The following GNG12 variants were observed in gnomAD, a reference collection of about 807,000 sequenced individuals.
GNG12 encodes guanine nucleotide-binding protein G(I)/G(S)/G(O) subunit gamma-12.
For missense variants in GNG12, 69 were observed against 83.8 expected, an observed-to-expected ratio of 0.82 and a Z score of 0.69; for synonymous variants, 28 against 29.7, an observed-to-expected ratio of 0.94 and a Z score of 0.19.
At chr1:67,744,272 C>T (rs987689398) in intron 2 of GNG12, among the ~76,000 whole-genome samples, 1 of 152,126 alleles carries the variant, frequency 6.6e-6, no homozygotes, top group Non-Finnish European at 1.5e-5. Flanking sequence ...TAGATCAACT[C>T]CAAACTTTTG....
intron 2 of GNG12, among the ~76,000 whole-genome samples, chr1:67,756,625 T>C (rs1646570139): frequency 6.6e-6 from 1 of 152,180 alleles, no homozygotes; most frequent in Non-Finnish European, 1.5e-5. Context: ...AGTGCACGTG[T>C]GTGTGCATAT....
At chr1:67,767,235 G>A (rs1324747271) in intron 2 of GNG12, among the ~76,000 whole-genome samples, 1 of 152,168 alleles carries the variant, frequency 6.6e-6, no homozygotes, top group East Asian at 1.9e-4. Context: ...AAAACCCCAT[G>A]TCACGTGTGC....
At position 67,712,313 on chromosome 1, in the gene GNG12, T is replaced by C. The variant is rs554157307; in HGVS notation, c.-26-4601A>G. Among the ~76,000 whole-genome samples the C allele has an allele frequency of 9.2e-5, 14 of 152,350 alleles. 1 individual carries two copies. In the South Asian group the frequency reaches 2.7e-3, roughly 29 times the overall value. On this transcript the variant is annotated intron_variant, in intron 2 of 3. Transcript: ENST00000370982. ...CCTGTGAGCACACATGTTGCTTGCA[T>C]ATGCATTATTCCATGAAGCCTCACT...
intron 2 of GNG12, among the ~76,000 whole-genome samples, chr1:67,722,969 A>G (rs1192304716): frequency 2.0e-5 from 3 of 152,228 alleles, no homozygotes; most frequent in Non-Finnish European, 4.4e-5. Context: ...CAGGATAACA[A>G]GAGTGCCTAT....
chr1:67,767,127 A>T (rs11209147), intron 2 of GNG12, among the ~76,000 whole-genome samples: 11,566 of 152,162 alleles, frequency 0.076, 461 homozygotes, highest in Admixed American at 0.1. Flanking sequence ...TTGGAATGGG[A>T]TGTTGCCAGT....
intron 2 of GNG12, among the ~76,000 whole-genome samples, chr1:67,762,667 G>A (rs1320056559): frequency 2.0e-5 from 3 of 152,110 alleles, no homozygotes; most frequent in South Asian, 2.1e-4. Flanking sequence ...GAGCATTAGC[G>A]TTTATCTCTT....
intron 2 of GNG12, among the ~76,000 whole-genome samples, chr1:67,752,555 A>G (rs1646544921): frequency 6.6e-6 from 1 of 152,158 alleles, no homozygotes; most frequent in Admixed American, 6.5e-5. Context: ...AGACATCCCT[A>G]ATGGATCAGC....
chr1:67,781,940 T>C (rs979971762), intron 1 of GNG12, among the ~76,000 whole-genome samples: 4 of 152,150 alleles, frequency 2.6e-5, no homozygotes, highest in African/African-American at 9.7e-5. Flanking sequence ...TACTGTCCAA[T>C]AATAGGTACA....
chr1:67,790,465 G>T (rs1646795211), intron 1 of GNG12, among the ~76,000 whole-genome samples: 2 of 152,294 alleles, frequency 1.3e-5, no homozygotes, highest in Admixed American at 1.3e-4. Flanking sequence ...AGGCAGCTCA[G>T]GGCATTCAAT....
chr1:67,807,639 T>C (rs1387585835), intron 1 of GNG12, among the ~76,000 whole-genome samples: 2 of 151,922 alleles, frequency 1.3e-5, no homozygotes, highest in Non-Finnish European at 2.9e-5. Context: ...GGGACACTAC[T>C]ACAGATCCCA....
At chr1:67,820,268 A>G (rs1646977534) in intron 1 of GNG12, among the ~76,000 whole-genome samples, 1 of 151,968 alleles carries the variant, frequency 6.6e-6, no homozygotes, top group South Asian at 2.1e-4. Flanking sequence ...ATATGCCTAT[A>G]GTCCCAGTTA....
chr1:67,766,677 C>T (rs988726976), intron 2 of GNG12, among the ~76,000 whole-genome samples: 2 of 151,166 alleles, frequency 1.3e-5, no homozygotes, highest in African/African-American at 4.9e-5. Flanking sequence ...TCACACGGGG[C>T]TCCCTCCCAC....
intron 1 of GNG12, among the ~76,000 whole-genome samples, chr1:67,779,861 G>A (rs1320532474): frequency 6.6e-6 from 1 of 152,188 alleles, no homozygotes; most frequent in Admixed American, 6.5e-5. Context: ...CTACATGGTA[G>A]AGCCTATTGT....
chr1:67,829,378 T>C (rs1647030217), intron 1 of GNG12, among the ~76,000 whole-genome samples: 1 of 152,246 alleles, frequency 6.6e-6, no homozygotes, highest in Admixed American at 6.5e-5. Flanking sequence ...ATTTCACATT[T>C]AAAAGACAAA....
chr1:67,771,066 T>C (rs189483970), intron 2 of GNG12, among the ~76,000 whole-genome samples: 83 of 152,202 alleles, frequency 5.5e-4, no homozygotes, highest in African/African-American at 1.6e-3. Flanking sequence ...GAACTTCTCA[T>C]TACCAGAAAA....
intron 1 of GNG12, among the ~76,000 whole-genome samples, chr1:67,785,154 C>T (rs1391493349): frequency 6.6e-6 from 1 of 152,082 alleles, no homozygotes; most frequent in African/African-American, 2.4e-5. Flanking sequence ...TATATTGTTT[C>T]CTATAAGAAA....
chr1:67,747,635 T>C (rs1646514963), intron 2 of GNG12, among the ~76,000 whole-genome samples: 1 of 152,238 alleles, frequency 6.6e-6, no homozygotes. Flanking sequence ...GCAAGTAGTG[T>C]TATAAGAAGC....
intron 1 of GNG12, among the ~76,000 whole-genome samples, chr1:67,801,464 C>A (rs1054452115): frequency 6.6e-6 from 1 of 152,224 alleles, no homozygotes; most frequent in African/African-American, 2.4e-5. Context: ...ATGCTGATTT[C>A]TTCAAAGTGA....
rs191555379 is a variant in GNG12, at chr1:67,774,342, T to C, written c.-27+3116A>G. On this transcript the variant is annotated intron_variant, in intron 2 of 3. Coordinates refer to ENST00000370982, the MANE Select transcript of GNG12 (RefSeq NM_018841.6). ...TTCCCCACAGATTTCCTCCCTTACT[T>C]ATTTTTCTTAATTGCATTATTTTAC... Among the ~76,000 whole-genome samples the C allele has an allele frequency of 3.6e-3, 543 of 152,350 alleles. 1 individual carries two copies. In the Middle Eastern group the frequency reaches 0.048, roughly 13 times the overall value.
Sources: gnomAD v4.1 joint callset for allele counts (sites outside exome capture counted in the v4.1 genomes callset) on GRCh38, gnomAD v4.1.1 for gene constraint, MANE v1.5 for transcripts, NCBI Gene and HGNC (gene_info 2026-07-23, HGNC 2026-07-21) for gene names.